GOLM1: variants seen among roughly 807,000 people sequenced by gnomAD.
The protein encoded by GOLM1 is golgi membrane protein 1, also known as epididymis luminal protein 46.
GOLM1 carries 31 observed loss-of-function variants against 50.5 expected under a neutral mutation model. That is an observed-to-expected ratio of 0.61 (90% CI 0.46 to 0.83). The LOEUF (loss-of-function observed/expected upper bound fraction) is 0.83, where lower values mean the gene tolerates loss of function less well. Among genes scored for constraint, GOLM1 ranks in the 40% least tolerant of loss-of-function variants. The pLI, the probability that GOLM1 is intolerant of heterozygous loss-of-function variation, is 0.00. For synonymous variants in GOLM1, 178 were observed against 192.8 expected, an observed-to-expected ratio of 0.92 and a Z score of 0.64; for missense variants, 491 against 501.3, an observed-to-expected ratio of 0.98 and a Z score of 0.20.
At chr9:86,085,317 G>A (rs1834919359) in intron 1 of GOLM1, among the ~76,000 whole-genome samples, 1 of 151,924 alleles carries the variant, frequency 6.6e-6, no homozygotes, top group African/African-American at 2.4e-5. Flanking sequence ...GTTTTAAACT[G>A]GGGTGTTCAT....
chr9:86,065,923 C>A (rs1037325840), intron 3 of GOLM1, among the ~76,000 whole-genome samples: 4 of 152,012 alleles, frequency 2.6e-5, no homozygotes, highest in African/African-American at 9.7e-5. Context: ...GCCTGTAATC[C>A]CAGCTACTCG....
chr9:86,056,556 A>C (rs1375260046), intron 3 of GOLM1, among the ~76,000 whole-genome samples: 1 of 145,602 alleles, frequency 6.9e-6, no homozygotes, highest in African/African-American at 2.6e-5. Flanking sequence ...CCCAGGCTGG[A>C]ATGCAGTGGC....
intron 3 of GOLM1, among the ~76,000 whole-genome samples, chr9:86,053,322 A>T (rs1833837736): frequency 8.4e-6 from 1 of 118,454 alleles, no homozygotes; most frequent in Non-Finnish European, 1.8e-5. Flanking sequence ...ACAGCAGGCC[A>T]CACACCACAC....
intron 6 of GOLM1, chr9:86,036,772 G>A (rs1160084584): frequency 1.1e-5 from 5 of 450,562 alleles, no homozygotes; most frequent in Non-Finnish European, 1.6e-5. Flanking sequence ...AAGCATTTAC[G>A]GAATAATAAA....
chr9:86,036,980 C>T (rs1486528259), intron 6 of GOLM1, among the ~76,000 whole-genome samples: 3 of 152,146 alleles, frequency 2.0e-5, no homozygotes, highest in Non-Finnish European at 4.4e-5. Flanking sequence ...ACTAAAATCA[C>T]ACAAAGTAAA....
intron 1 of GOLM1, among the ~76,000 whole-genome samples, chr9:86,088,456 A>ATATATATT (rs1835058219): frequency 8.0e-6 from 1 of 125,044 alleles, no homozygotes; most frequent in East Asian, 2.8e-4. Flanking sequence ...ATATATATAT[A>ATATATATT]TTTAGGATAG....
chr9:86,098,649 A>C (rs1056573985), intron 1 of GOLM1, among the ~76,000 whole-genome samples: 2 of 152,264 alleles, frequency 1.3e-5, no homozygotes, highest in Non-Finnish European at 2.9e-5. Context: ...AAATTTTGCT[A>C]AAAAATTTCA....
Position 86,046,465 on chromosome 9 carries a change from C to A in GOLM1, c.467+5G>T. The A allele has an allele frequency of 6.4e-7, 1 of 1,572,650 alleles. No homozygotes were observed. The highest frequency in any genetic ancestry group is 8.8e-7 in the Non-Finnish European group (1 of 1,142,288). On this transcript the variant is annotated splice_donor_5th_base_variant and intron_variant, in intron 5 of 9. Transcript: ENST00000388712. Reference sequence around the variant, plus strand: ...ACTGTGGCACGCGCTCTGAGGTGTACTCACAGGTCGTAGGAGAACTTCCTC... The same window carrying A: ...ACTGTGGCACGCGCTCTGAGGTGTAATCACAGGTCGTAGGAGAACTTCCTC...
chr9:86,085,453 GTTTTT>G (rs11397922), intron 1 of GOLM1, among the ~76,000 whole-genome samples: 1 of 93,182 alleles, frequency 1.1e-5, no homozygotes, highest in African/African-American at 4.8e-5. Context: ...CAAAGTTTTT[GTTTTT>G]TTTTTTTTTT....
chr9:86,098,926 G>A (rs1374065174), intron 1 of GOLM1, among the ~76,000 whole-genome samples: 1 of 152,188 alleles, frequency 6.6e-6, no homozygotes, highest in Non-Finnish European at 1.5e-5. Context: ...CGGCCGGAGC[G>A]CGCCTGGGGC....
chr9:86,040,689 T>C (rs1410032849), intron 6 of GOLM1, 50 bp downstream of exon 6: 1 of 1,565,980 alleles, frequency 6.4e-7, no homozygotes. Flanking sequence ...ACAAAATGCC[T>C]GAAGATAGGG....
intron 3 of GOLM1, among the ~76,000 whole-genome samples, chr9:86,058,061 T>C (rs1352615565): frequency 6.6e-6 from 1 of 152,190 alleles, no homozygotes; most frequent in African/African-American, 2.4e-5. Flanking sequence ...GTTACTACCT[T>C]AGAATGAAAA....
intron 8 of GOLM1, among the ~76,000 whole-genome samples, chr9:86,034,389 C>T (rs981881211): frequency 6.6e-6 from 1 of 152,210 alleles, no homozygotes; most frequent in Non-Finnish European, 1.5e-5. Flanking sequence ...GAGGTCACCA[C>T]ACCTGCATCT....
chr9:86,072,070 T>C (rs7859549), intron 3 of GOLM1, among the ~76,000 whole-genome samples: 65,113 of 152,106 alleles, frequency 0.43, 18,741 homozygotes, highest in East Asian at 0.85. Context: ...AAAATGATAG[T>C]GACCAAACAT....
At chr9:86,052,940 C>T (rs1403441239) in intron 3 of GOLM1, among the ~76,000 whole-genome samples, 1 of 91,670 alleles carries the variant, frequency 1.1e-5, no homozygotes, top group Non-Finnish European at 2.3e-5. Context: ...TAATCAGCAA[C>T]CTCACACCGC....
chr9:86,029,074 A>G (rs1255336891), intron 9 of GOLM1, among the ~76,000 whole-genome samples: 1 of 151,546 alleles, frequency 6.6e-6, no homozygotes, highest in Non-Finnish European at 1.5e-5. Context: ...AGCCAGGATG[A>G]TCTCGATCTC....
Position 86,026,725 on chromosome 9 carries a change from C to A in GOLM1, c.*1092G>T, listed in dbSNP as rs772028011. ...AACCAACTCAAGTCAAACCTTAATG[C>A]CATTGTTATTGTGAATTAGGATTAA... On this transcript the variant is annotated 3_prime_UTR_variant, in exon 10 of 10. Coordinates refer to ENST00000388712, the MANE Select transcript of GOLM1 (RefSeq NM_016548.4). The A allele has an allele frequency of 6.1e-6, 6 of 981,872 alleles. No individual in the cohort carries two copies. Among genetic ancestry groups the A allele is most frequent in the Non-Finnish European group, 7.3e-6 (6 of 826,770 alleles). The allele number at this position is 981,872 out of a possible 1,614,324, so 60.8% of individuals were successfully genotyped here. A position where few individuals can be genotyped will look rare whatever the true frequency, so the allele number is the denominator to read the frequency against.
At chr9:86,094,623 G>A (rs1263818410) in intron 1 of GOLM1, among the ~76,000 whole-genome samples, 2 of 152,170 alleles carry the variant, frequency 1.3e-5, no homozygotes, top group Admixed American at 6.5e-5. Flanking sequence ...AAGAAAGGTT[G>A]AACCACCGTC....
chr9:86,090,989 T>G (rs1441193080), intron 1 of GOLM1, among the ~76,000 whole-genome samples: 1 of 152,042 alleles, frequency 6.6e-6, no homozygotes, highest in Non-Finnish European at 1.5e-5. Flanking sequence ...CAGTCCCTCA[T>G]AGTTTCCCTT....
Sources: gnomAD v4.1 joint callset for allele counts (sites outside exome capture counted in the v4.1 genomes callset) on GRCh38, gnomAD v4.1.1 for gene constraint, MANE v1.5 for transcripts, NCBI Gene and HGNC (gene_info 2026-07-23, HGNC 2026-07-21) for gene names.